ARHGAP15: variants seen among roughly 807,000 people sequenced by gnomAD.
ARHGAP15 encodes the protein rho GTPase-activating protein 15.
ARHGAP15 carries 51 observed loss-of-function variants against 63.7 expected under a neutral mutation model. The ratio of observed to expected loss-of-function variants is 0.80; its 90% confidence interval spans 0.64 to 1.01. ARHGAP15 has a LOEUF of 1.01. Ranked by LOEUF, ARHGAP15 falls within the 50% of genes least tolerant of loss-of-function variation. The pLI is 0.00. For missense variants in ARHGAP15, 560 were observed against 564.6 expected, an observed-to-expected ratio of 0.99 and a Z score of 0.08; for synonymous variants, 191 against 193.8, an observed-to-expected ratio of 0.99 and a Z score of 0.12.
At chr2:143,248,981 A>T (rs982734287) in intron 5 of ARHGAP15, among the ~76,000 whole-genome samples, 1 of 152,146 alleles carries the variant, frequency 6.6e-6, no homozygotes. Flanking sequence ...AGTATCCCCT[A>T]ATGTAATTAA....
intron 5 of ARHGAP15, among the ~76,000 whole-genome samples, chr2:143,243,125 TC>T: frequency 6.6e-6 from 1 of 152,268 alleles, no homozygotes; most frequent in African/African-American, 2.4e-5. Context: ...ATGGAAGCTA[TC>T]ATCAAGCTAA....
At chr2:143,257,967 T>C (rs557615328) in intron 6 of ARHGAP15, among the ~76,000 whole-genome samples, 1 of 152,290 alleles carries the variant, frequency 6.6e-6, no homozygotes, top group East Asian at 1.9e-4. Flanking sequence ...ATATCTTTTA[T>C]TTTTAAAGAG....
At position 143,139,687 on chromosome 2, in the gene ARHGAP15, T is replaced by C. The variant is rs1308341973; in HGVS notation, c.-15+10221T>C. Among the ~76,000 whole-genome samples, 8 of 152,048 alleles carry C rather than the reference T, an allele frequency of 5.3e-5. No homozygotes were observed. In the East Asian group the frequency reaches 1.5e-3, roughly 29 times the overall value. ...AAAAAGGCAGTGAAGCATGGAGAAA[T>C]TGAATTGCGGGAGGACACAGAAGGG... On this transcript the variant is annotated intron_variant, in intron 1 of 13. Coordinates refer to ENST00000295095, the MANE Select transcript of ARHGAP15 (RefSeq NM_018460.4).
At chr2:143,385,325 G>A (rs140744184) in intron 6 of ARHGAP15, among the ~76,000 whole-genome samples, 6 of 152,138 alleles carry the variant, frequency 3.9e-5, no homozygotes, top group Non-Finnish European at 7.4e-5. Flanking sequence ...AAGGTCAACC[G>A]AAGTGTTTTC....
chr2:143,539,477 G>A (rs935543647), intron 10 of ARHGAP15, among the ~76,000 whole-genome samples: 2 of 152,030 alleles, frequency 1.3e-5, no homozygotes, highest in Non-Finnish European at 2.9e-5. Context: ...ATGTTAGGGT[G>A]TCAATTTTAG....
chr2:143,486,006 A>G (rs1206923048), intron 8 of ARHGAP15, among the ~76,000 whole-genome samples: 2 of 151,992 alleles, frequency 1.3e-5, no homozygotes, highest in Non-Finnish European at 2.9e-5. Context: ...TTAATTCCCC[A>G]TTTTGCTAAT....
intron 11 of ARHGAP15, among the ~76,000 whole-genome samples, chr2:143,575,893 T>C (rs1281483264): frequency 6.6e-6 from 1 of 152,070 alleles, no homozygotes; most frequent in East Asian, 1.9e-4. Flanking sequence ...TCCATGTTAA[T>C]AGTCTTATTC....
At chr2:143,581,257 T>C (rs942658134) in intron 11 of ARHGAP15, among the ~76,000 whole-genome samples, 1 of 147,074 alleles carries the variant, frequency 6.8e-6, no homozygotes, top group Non-Finnish European at 1.5e-5. Context: ...ATTTTTTTTA[T>C]AGTTTCACTT....
At chr2:143,317,190 CTT>C (rs773772929) in intron 6 of ARHGAP15, among the ~76,000 whole-genome samples, 6,841 of 151,470 alleles carry the variant, frequency 0.045, no homozygotes, top group Non-Finnish European at 0.066. Context: ...GACACTTTGT[CTT>C]TCTTGTCCCC....
At chr2:143,153,824 CTT>C (rs1558779296) in intron 1 of ARHGAP15, among the ~76,000 whole-genome samples, 1,157 of 88,110 alleles carry the variant, frequency 0.013, 23 homozygotes, top group East Asian at 0.041. Context: ...TCTTCTTCTT[CTT>C]CTTCTTCTTC....
At chr2:143,266,441 T>C (rs1680998243) in intron 6 of ARHGAP15, among the ~76,000 whole-genome samples, 1 of 152,166 alleles carries the variant, frequency 6.6e-6, no homozygotes, top group Non-Finnish European at 1.5e-5. Flanking sequence ...TGAATACTAC[T>C]TTGCTGGGCC....
intron 1 of ARHGAP15, among the ~76,000 whole-genome samples, chr2:143,131,457 T>C (rs1348751085): frequency 1.3e-5 from 2 of 152,216 alleles, no homozygotes; most frequent in Non-Finnish European, 2.9e-5. Context: ...CAGCATTCAG[T>C]AAGATTCAGA....
At chr2:143,524,651 T>C (rs1694188919) in intron 10 of ARHGAP15, among the ~76,000 whole-genome samples, 1 of 152,202 alleles carries the variant, frequency 6.6e-6, no homozygotes, top group South Asian at 2.1e-4. Flanking sequence ...TGAGAGAATA[T>C]GAAATTAACA....
intron 3 of ARHGAP15, among the ~76,000 whole-genome samples, chr2:143,202,775 A>G (rs974623741): frequency 1.3e-5 from 2 of 151,092 alleles, no homozygotes. Flanking sequence ...TTTTTTTGTT[A>G]TTGTTGTTGT....
At chr2:143,757,139 G>GA (rs371958594) in intron 13 of ARHGAP15, among the ~76,000 whole-genome samples, 47 of 146,372 alleles carry the variant, frequency 3.2e-4, no homozygotes, top group African/African-American at 8.0e-4. Flanking sequence ...CTAAACAAAA[G>GA]AAAAAAAAAA....
rs141681452 is a variant in ARHGAP15, at chr2:143,422,820, A to G, written c.475-12781A>G. On this transcript the variant is annotated intron_variant, in intron 6 of 13. Transcript: ENST00000295095. ...CCTGGCAAAAGGACACTACCAGCCG[A>G]GAGAGTCTGGTATGTGAGATAAACC... 4.8e-4 allele frequency among the ~76,000 whole-genome samples: 73 copies of G among 152,206 alleles called. 1 individual carries two copies. The highest frequency in any genetic ancestry group is 3.9e-4 in the Admixed American group (6 of 15,272).
At chr2:143,384,638 G>C (rs1687195566) in intron 6 of ARHGAP15, among the ~76,000 whole-genome samples, 1 of 151,926 alleles carries the variant, frequency 6.6e-6, no homozygotes, top group Admixed American at 6.6e-5. Context: ...AATTTGAAAA[G>C]AGATTTGGAT....
At chr2:143,327,534 G>A (rs988934715) in intron 6 of ARHGAP15, among the ~76,000 whole-genome samples, 2 of 151,936 alleles carry the variant, frequency 1.3e-5, no homozygotes, top group Non-Finnish European at 2.9e-5. Flanking sequence ...GCTTGGTACT[G>A]GTACCAAAAC....
intron 6 of ARHGAP15, among the ~76,000 whole-genome samples, chr2:143,431,739 T>A (rs1402315547): frequency 6.6e-6 from 1 of 152,066 alleles, no homozygotes; most frequent in Non-Finnish European, 1.5e-5. Context: ...GGGCTGTGTA[T>A]CCCTAGCTTC....
Sources: allele counts gnomAD v4.1 joint callset (sites outside exome capture counted in the v4.1 genomes callset), GRCh38; gene constraint gnomAD v4.1.1; transcripts MANE v1.5; gene names NCBI Gene and HGNC (gene_info 2026-07-23, HGNC 2026-07-21).